Variants in TRDN observed in about 807,000 individuals in gnomAD.
TRDN encodes triadin, also known as triadin in skeletal muscle.
In TRDN, 161 loss-of-function variants were observed where a neutral mutation model predicts 149.7. The ratio of observed to expected loss-of-function variants is 1.08; its 90% CI spans 0.95 to 1.23. The LOEUF is 1.23. Ranked by LOEUF, TRDN falls within the 50% of genes most tolerant of loss-of-function variation. The pLI, the probability that TRDN is intolerant of heterozygous loss-of-function variation, is 0.00. For missense variants in TRDN, 896 were observed against 823.5 expected (o/e 1.09, Z -1.08); for synonymous variants, 294 against 250.5 (o/e 1.17, Z -1.64).
At chr6:123,620,746 G>T (rs368909013) in intron 1 of TRDN, among the ~76,000 whole-genome samples, 55 of 152,248 alleles carry the variant, frequency 3.6e-4, no homozygotes, top group African/African-American at 1.3e-3. Flanking sequence ...GCCTGAAGTT[G>T]TCACCTTTTA....
intron 34 of TRDN, 116 bp from the exon 35 acceptor site, chr6:123,259,778 G>A (rs2114586922): frequency 1.5e-6 from 1 of 681,778 alleles, no homozygotes; most frequent in Non-Finnish European, 2.3e-6. Flanking sequence ...GGGAGTCAGG[G>A]CTCTCTCATT....
chr6:123,401,411 T>C (rs1332329882), intron 12 of TRDN, among the ~76,000 whole-genome samples: 1 of 152,102 alleles, frequency 6.6e-6, no homozygotes, highest in Non-Finnish European at 1.5e-5. Context: ...GGTTGAACAT[T>C]ATGCAATTTG....
chr6:123,433,370 C>T (rs1774422503), intron 12 of TRDN, among the ~76,000 whole-genome samples: 1 of 151,788 alleles, frequency 6.6e-6, no homozygotes, highest in Admixed American at 6.6e-5. Flanking sequence ...CAGAGTTGAA[C>T]TTGTGGACAT....
chr6:123,623,748 A>G (rs1785513305), intron 1 of TRDN, among the ~76,000 whole-genome samples: 1 of 152,168 alleles, frequency 6.6e-6, no homozygotes, highest in African/African-American at 2.4e-5. Flanking sequence ...CATTCTTCAA[A>G]TGTTAACATA....
Position 123,616,336 on chromosome 6 carries a change from C to T in TRDN, c.22+20418G>A, listed in dbSNP as rs1030077455. ...ACAGAGTGAGGCCCCATCTCAAAAA[C>T]GAAAATTATATCCATAATATACGTT... On this transcript the variant is annotated intron_variant, in intron 1 of 40. Transcript: ENST00000334268. 9.3e-5 allele frequency among the ~76,000 whole-genome samples: 14 copies of T among 150,626 alleles called. 1 individual carries two copies. Among genetic ancestry groups the T allele is most frequent in the South Asian group, 8.4e-4 (4 of 4,780 alleles).
At chr6:123,418,680 C>T (rs1431896238) in intron 12 of TRDN, 3 of 152,062 alleles carry the variant, frequency 2.0e-5, no homozygotes, top group Non-Finnish European at 4.4e-5. Context: ...ACACTCAACC[C>T]CCAACCCCAA....
At chr6:123,262,095 G>C (rs576075819) in intron 33 of TRDN, among the ~76,000 whole-genome samples, 2 of 151,998 alleles carry the variant, frequency 1.3e-5, no homozygotes, top group East Asian at 1.9e-4. Context: ...CAGCTTCACT[G>C]TTTATTGTTG....
intron 1 of TRDN, among the ~76,000 whole-genome samples, chr6:123,590,711 A>C (rs935089226): frequency 6.6e-6 from 1 of 152,172 alleles, no homozygotes; most frequent in Non-Finnish European, 1.5e-5. Context: ...GCAGTGAGCC[A>C]AGACCGTGCC....
intron 1 of TRDN, among the ~76,000 whole-genome samples, chr6:123,603,997 A>G (rs1332403849): frequency 2.6e-5 from 4 of 152,072 alleles, no homozygotes; most frequent in African/African-American, 9.7e-5. Flanking sequence ...CAAAAGGAAT[A>G]ACATTATACC....
chr6:123,409,792 A>C (rs1410231559), intron 12 of TRDN, among the ~76,000 whole-genome samples: 2 of 152,122 alleles, frequency 1.3e-5, no homozygotes, highest in South Asian at 2.1e-4. Flanking sequence ...TAGAGATTTT[A>C]TGAAATTCAT....
chr6:123,372,713 T>TGTATATATGGTGAA (rs1312476067), intron 19 of TRDN, among the ~76,000 whole-genome samples: 7 of 152,178 alleles, frequency 4.6e-5, no homozygotes, highest in African/African-American at 1.7e-4. Flanking sequence ...ACTATATTTC[T>TGTATATATGGTGAA]TCTTGAAGAT....
At chr6:123,267,447 A>C (rs1420886350) in intron 32 of TRDN, among the ~76,000 whole-genome samples, 1 of 152,096 alleles carries the variant, frequency 6.6e-6, no homozygotes, top group Non-Finnish European at 1.5e-5. Context: ...AATACTGAAT[A>C]TTTTGGAAGG....
chr6:123,461,537 T>C (rs1397055332), intron 10 of TRDN, among the ~76,000 whole-genome samples: 3 of 152,176 alleles, frequency 2.0e-5, no homozygotes, highest in Non-Finnish European at 4.4e-5. Context: ...TGCCCAATAA[T>C]TACATGTGGG....
chr6:123,317,736 T>G (rs1247579708), intron 23 of TRDN, among the ~76,000 whole-genome samples: 1 of 151,990 alleles, frequency 6.6e-6, no homozygotes. Flanking sequence ...AACTGTGTTT[T>G]GTTTATTACT....
intron 19 of TRDN, among the ~76,000 whole-genome samples, chr6:123,367,738 G>T (rs1009852495): frequency 2.6e-5 from 4 of 152,196 alleles, no homozygotes; most frequent in Non-Finnish European, 5.9e-5. Context: ...GATTCAGTAT[G>T]TCGGAGGCAT....
At chr6:123,503,590 T>C in intron 8 of TRDN, 129 bp downstream of exon 8, 2 of 1,481,630 alleles carry the variant, frequency 1.3e-6, no homozygotes, top group East Asian at 5.0e-5. Flanking sequence ...TCTGATATAT[T>C]TACTTTAATG....
intron 5 of TRDN, among the ~76,000 whole-genome samples, chr6:123,521,353 T>G (rs1301397615): frequency 6.6e-6 from 1 of 152,024 alleles, no homozygotes; most frequent in Non-Finnish European, 1.5e-5. Context: ...ACTGATGTCC[T>G]TATAAAAAGA....
Position 123,218,702 on chromosome 6 carries a change from A to C in TRDN, c.2089T>G (p.Tyr697Asp). ...SFFQCVYLDG[Y>D]NGYGFQFPFT... ...GGAAACTGAAATCCATAGCCATTGT[A>C]CCCATCCAAGTAGACACACTGGAAG... Residue 697 changes from tyrosine (Y) to aspartate (D), a missense_variant, in exon 41 of 41, where the codon TAC (tyrosine) becomes GAC (aspartate). Physicochemically the swap from Tyr to Asp is radical, Grantham distance 160. Transcript: ENST00000334268. 1.3e-6 allele frequency: 2 copies of C among 1,593,266 alleles called. No individual in the cohort carries two copies. Among genetic ancestry groups the C allele is most frequent in the Non-Finnish European group, 1.7e-6 (2 of 1,168,010 alleles).
At chr6:123,454,181 A>G (rs6901299) in intron 10 of TRDN, among the ~76,000 whole-genome samples, 24,432 of 151,920 alleles carry the variant, frequency 0.16, 2,202 homozygotes, top group South Asian at 0.28. Flanking sequence ...GGTGCAGTGT[A>G]TACTTCTCGG....
Sources: allele counts gnomAD v4.1 joint callset (sites outside exome capture counted in the v4.1 genomes callset), GRCh38; gene constraint gnomAD v4.1.1; transcripts MANE v1.5; gene names NCBI Gene and HGNC (gene_info 2026-07-23, HGNC 2026-07-21).